ROR1: variants seen among roughly 807,000 people sequenced by gnomAD.
The protein encoded by ROR1 is inactive tyrosine-protein kinase transmembrane receptor ROR1.
Under a neutral mutation model 78.8 loss-of-function variants are expected in ROR1, and 19 were observed. The observed-to-expected ratio is 0.24, with a 90% CI of 0.17 to 0.35. The LOEUF is 0.35. Ranked by LOEUF, ROR1 falls within the 10% of genes least tolerant of loss-of-function variation. ROR1 has a pLI of 1.00. For missense variants in ROR1, 917 were observed against 1,177.8 expected (o/e 0.78, Z 3.24); for synonymous variants, 386 against 433.6 (o/e 0.89, Z 1.36).
intron 1 of ROR1, among the ~76,000 whole-genome samples, chr1:63,822,391 A>G (rs567062289): frequency 7.2e-5 from 11 of 152,184 alleles, no homozygotes; most frequent in Non-Finnish European, 1.5e-4. Context: ...TTCTACTTAT[A>G]TGAGCATCCA....
intron 4 of ROR1, among the ~76,000 whole-genome samples, chr1:64,130,459 C>T (rs529857027): frequency 3.9e-5 from 6 of 152,210 alleles, no homozygotes; most frequent in South Asian, 2.1e-4. Flanking sequence ...TTGGTGCTCC[C>T]GACAGCTCCC....
chr1:64,018,121 G>A (rs1646535887), intron 2 of ROR1, among the ~76,000 whole-genome samples: 1 of 152,104 alleles, frequency 6.6e-6, no homozygotes, highest in Non-Finnish European at 1.5e-5. Context: ...TATGGACTAG[G>A]GTCCTGCTCA....
chr1:64,017,164 C>G (rs1192509277), intron 2 of ROR1, among the ~76,000 whole-genome samples: 1 of 152,028 alleles, frequency 6.6e-6, no homozygotes, highest in African/African-American at 2.4e-5. Context: ...CCTCGGCCCC[C>G]CAAAGTGCTG....
At chr1:64,142,691 T>C (rs780949389) in intron 7 of ROR1, 41 bp downstream of exon 7, 106 of 1,608,258 alleles carry the variant, frequency 6.6e-5, no homozygotes, top group Non-Finnish European at 8.3e-5. Flanking sequence ...CAATCATCTT[T>C]AAAGATCCCT....
intron 8 of ROR1, among the ~76,000 whole-genome samples, chr1:64,166,991 C>T (rs1488874851): frequency 6.6e-6 from 1 of 152,156 alleles, no homozygotes; most frequent in Non-Finnish European, 1.5e-5. Flanking sequence ...TTTGTAATAA[C>T]CCTATGAAGT....
At chr1:64,076,383 A>G (rs1647050435) in intron 4 of ROR1, among the ~76,000 whole-genome samples, 3 of 152,160 alleles carry the variant, frequency 2.0e-5, no homozygotes, top group Non-Finnish European at 4.4e-5. Context: ...TGAAATCTTT[A>G]TGATCTGCAC....
At chr1:63,954,092 G>A (rs1645962799) in intron 1 of ROR1, among the ~76,000 whole-genome samples, 1 of 152,188 alleles carries the variant, frequency 6.6e-6, no homozygotes, top group South Asian at 2.1e-4. Flanking sequence ...AAACTTGGTT[G>A]CTATAACAAA....
chr1:63,936,947 C>A (rs1645798790), intron 1 of ROR1, among the ~76,000 whole-genome samples: 1 of 152,122 alleles, frequency 6.6e-6, no homozygotes, highest in Non-Finnish European at 1.5e-5. Context: ...AGGCAATCAG[C>A]CAGTAGACAA....
At chr1:63,806,569 G>A (rs1033009850) in intron 1 of ROR1, among the ~76,000 whole-genome samples, 1 of 152,088 alleles carries the variant, frequency 6.6e-6, no homozygotes, top group Non-Finnish European at 1.5e-5. Flanking sequence ...CGCCCGCCCT[G>A]GCCTCCCAAA....
At chr1:63,876,681 T>C (rs573032553) in intron 1 of ROR1, among the ~76,000 whole-genome samples, 1,475 of 83,604 alleles carry the variant, frequency 0.018, 15 homozygotes, top group Non-Finnish European at 0.019. Context: ...TGTGTGTGTG[T>C]GCGCGTGTGT....
chr1:64,179,944 T>A lies in ROR1; in HGVS notation c.*1089T>A, dbSNP rs571310268. On this transcript the variant is annotated 3_prime_UTR_variant, in exon 9 of 9. Coordinates refer to ENST00000371079, the MANE Select transcript of ROR1 (RefSeq NM_005012.4). ...TTTCCCTTTTTTTCTGTGCTGGAAA[T>A]GTTCACAGATTTGATTCCCGCCCCA... The A allele has an allele frequency of 6.6e-6, 1 of 152,276 alleles. No individual in the cohort carries two copies. Among genetic ancestry groups the A allele is most frequent in the Non-Finnish European group, 1.5e-5 (1 of 68,002 alleles). 9.4% of individuals were successfully genotyped at this position (152,276 alleles called of 1,614,324 possible).
intron 1 of ROR1, among the ~76,000 whole-genome samples, chr1:63,911,135 T>A: frequency 6.6e-6 from 1 of 152,284 alleles, no homozygotes; most frequent in East Asian, 1.9e-4. Context: ...ACTTGTGGCC[T>A]CAATTCTTTA....
intron 1 of ROR1, among the ~76,000 whole-genome samples, chr1:63,820,240 A>G (rs992680141): frequency 6.6e-6 from 1 of 152,194 alleles, no homozygotes; most frequent in Non-Finnish European, 1.5e-5. Flanking sequence ...TCCACAGGGC[A>G]CGTCATTGGT....
At chr1:64,086,874 A>G (rs1291517059) in intron 4 of ROR1, among the ~76,000 whole-genome samples, 1 of 152,186 alleles carries the variant, frequency 6.6e-6, no homozygotes, top group Non-Finnish European at 1.5e-5. Flanking sequence ...CCACCCAACT[A>G]TAAGACCCAT....
chr1:63,957,132 A>G (rs1260982273), intron 1 of ROR1, among the ~76,000 whole-genome samples: 1 of 152,170 alleles, frequency 6.6e-6, no homozygotes, highest in Non-Finnish European at 1.5e-5. Flanking sequence ...TAGAGATTAT[A>G]TGCAATGACA....
intron 7 of ROR1, among the ~76,000 whole-genome samples, chr1:64,157,636 C>T (rs1485764255): frequency 2.0e-5 from 3 of 152,182 alleles, no homozygotes; most frequent in Non-Finnish European, 4.4e-5. Context: ...GGTTTATTCT[C>T]ATTTACATGT....
chr1:64,049,821 G>C lies in ROR1; in HGVS notation c.294G>C (p.Val98=). 2 of 1,614,176 alleles carry C rather than the reference G, an allele frequency of 1.2e-6. No individual in the cohort carries two copies. The highest frequency in any genetic ancestry group is 1.1e-5 in the South Asian group (1 of 91,078). ...GCTGGTTCAAAAATGATGCTCCTGT[G>C]GTCCAGGAGCCCCGGAGGCTCTCCT... ...TIRWFKNDAP[V]VQEPRRLSFR... The change falls in exon 3 of 9, where the codon GTG becomes GTC. Residue 98 remains valine (V), a synonymous_variant. Coordinates refer to ENST00000371079, the MANE Select transcript of ROR1 (RefSeq NM_005012.4).
chr1:64,076,551 A>C (rs902135113), intron 4 of ROR1, among the ~76,000 whole-genome samples: 1 of 152,154 alleles, frequency 6.6e-6, no homozygotes, highest in African/African-American at 2.4e-5. Context: ...GCATGCAGCC[A>C]TTTGTGCAGT....
At chr1:64,082,301 T>A (rs1416344156) in intron 4 of ROR1, among the ~76,000 whole-genome samples, 4 of 152,220 alleles carry the variant, frequency 2.6e-5, no homozygotes, top group African/African-American at 4.8e-5. Context: ...AAGGGAATGA[T>A]AAAGCTGATA....
Sources: allele counts gnomAD v4.1 joint callset (sites outside exome capture counted in the v4.1 genomes callset), GRCh38; gene constraint gnomAD v4.1.1; transcripts MANE v1.5; gene names NCBI Gene and HGNC (gene_info 2026-07-23, HGNC 2026-07-21).